The following ZNF808 variants were observed in gnomAD, a reference collection of about 807,000 sequenced individuals.
The protein encoded by ZNF808 is zinc finger protein 808.
A neutral mutation model predicts 8.7 loss-of-function variants in ZNF808; 5 were observed. That is an observed-to-expected ratio of 0.58 (90% confidence interval 0.30 to 1.21). The LOEUF is 1.21. Ranked by LOEUF, ZNF808 falls within the 50% of genes most tolerant of loss-of-function variation. The pLI, the probability that ZNF808 is intolerant of heterozygous loss-of-function variation, is 0.07. For synonymous variants in ZNF808, 380 were observed against 366.0 expected, an observed-to-expected ratio of 1.04 and a Z score of -0.44; for missense variants, 1,103 against 1,098.4, an observed-to-expected ratio of 1.00 and a Z score of -0.06.
exon 4 of ZNF808, chr19:52,564,408 T>G (rs329947): frequency 0.063 from 21,004 of 330,800 alleles, 963 homozygotes; most frequent in African/African-American, 0.14. Flanking sequence ...AATAAACATG[T>G]GAGACCTTTC....
downstream of ZNF808, among the ~76,000 whole-genome samples, chr19:52,558,793 C>T (rs951840397): frequency 6.6e-6 from 1 of 152,242 alleles, no homozygotes; most frequent in African/African-American, 2.4e-5. Context: ...AAAAATTCTT[C>T]TGCCTTGAGA....
intron 1 of ZNF808, among the ~76,000 whole-genome samples, chr19:52,530,696 C>T (rs2059554270): frequency 6.6e-6 from 1 of 150,396 alleles, no homozygotes; most frequent in South Asian, 2.1e-4. Context: ...AAGTAAGGAA[C>T]ATCAAAGTTG....
chr19:52,555,485 A>G lies in ZNF808; in HGVS notation c.2569A>G (p.Ser857Gly). The change falls in exon 5 of 5, where the codon AGT becomes GGT. Residue 857 changes from serine (S) to glycine (G), a missense_variant. Ser to Gly is a moderately conservative substitution (Grantham distance 56). Transcript: ENST00000359798. ...ATGTGAAGCATGTGACAAAGTTTTC[A>G]GTCGCAAATCACACCTTAAAAGACA... The part of the protein sequence containing the change: ...YKCEACDKVF[S>G]RKSHLKRHRI... 2 of 1,614,146 alleles carry G rather than the reference A, an allele frequency of 1.2e-6. No individual in the cohort carries two copies. Among genetic ancestry groups the G allele is most frequent in the South Asian group, 1.1e-5 (1 of 91,086 alleles).
intron 2 of ZNF808, among the ~76,000 whole-genome samples, chr19:52,542,967 G>A (rs1021962469): frequency 1.4e-5 from 2 of 144,462 alleles, no homozygotes; most frequent in African/African-American, 2.6e-5. Flanking sequence ...TTGGGGGGGG[G>A]GTGGAGGCTT....
intron 4 of ZNF808, among the ~76,000 whole-genome samples, chr19:52,548,400 G>A (rs2123161750): frequency 6.6e-6 from 1 of 152,284 alleles, no homozygotes; most frequent in South Asian, 2.1e-4. Context: ...TTAAGACACA[G>A]TGCCTTTCAA....
At chr19:52,530,242 T>C (rs974734022) in intron 1 of ZNF808, among the ~76,000 whole-genome samples, 2 of 152,094 alleles carry the variant, frequency 1.3e-5, no homozygotes, top group African/African-American at 4.8e-5. Context: ...GTGTTTTTAG[T>C]AGAGACGAGG....
chr19:52,555,369 C>T lies in ZNF808; in HGVS notation c.2453C>T (p.Pro818Leu). The T allele has an allele frequency of 1.2e-6, 2 of 1,614,138 alleles. No individual in the cohort carries two copies. The highest frequency in any genetic ancestry group is 1.7e-6 in the Non-Finnish European group (2 of 1,180,024). ...RHIRIHTAEKPYKCNECGKAF... is the reference protein window; with the variant it reads ...RHIRIHTAEKLYKCNECGKAF... ...ATTAGAATTCACACTGCAGAGAAAC[C>T]TTACAAGTGTAATGAATGTGGAAAG... Residue 818 changes from proline (P) to leucine (L), a missense_variant, in exon 5 of 5, where the codon CCT becomes CTT. Transcript: ENST00000359798.
intron 3 of ZNF808, 29 bp from the exon 4 acceptor site, chr19:52,547,483 G>T (rs373810573): frequency 2.2e-5 from 35 of 1,612,932 alleles, no homozygotes; most frequent in Non-Finnish European, 3.0e-5. Context: ...CCTCCATAAT[G>T]TTTTGTTGAA....
downstream of ZNF808, among the ~76,000 whole-genome samples, chr19:52,559,689 G>A (rs189385968): frequency 2.6e-5 from 4 of 152,244 alleles, no homozygotes; most frequent in African/African-American, 4.8e-5. Flanking sequence ...GAAGATACAC[G>A]TCAGTGGTAC....
intron 2 of ZNF808, among the ~76,000 whole-genome samples, chr19:52,535,244 T>G (rs533123005): frequency 2.5e-3 from 361 of 141,572 alleles, no homozygotes; most frequent in Non-Finnish European, 3.7e-3. Context: ...GGCAGGAGAA[T>G]TGCGTGAACC....
At chr19:52,567,724 T>C (rs894111497), downstream of ZNF808, among the ~76,000 whole-genome samples, 64 of 151,730 alleles carry the variant, frequency 4.2e-4, no homozygotes, top group Middle Eastern at 0.014. Context: ...GGGGTTTCTC[T>C]ATATTGGTCA....
In ZNF808 at chr19:52,554,560, C is replaced by T. The variant is rs755813973; in HGVS notation, c.1644C>T (p.Phe548=). ...AATGTACGGTTTGTAACAAGGTTTT[C>T]ATGCGTAATTCAGTCCTGGCTGTAC... ...SYKCTVCNKV[F]MRNSVLAVHT... The change falls in exon 5 of 5, where the codon TTC becomes TTT. Residue 548 remains phenylalanine, a synonymous_variant. Coordinates refer to ENST00000359798, the MANE Select transcript of ZNF808 (RefSeq NM_001039886.4). 6.2e-7 allele frequency: 1 copy of T among 1,613,792 alleles called. No homozygotes were observed. The highest frequency in any genetic ancestry group is 2.2e-5 in the East Asian group (1 of 44,882).
In ZNF808 at chr19:52,564,342, A is replaced by C. The variant is rs189775944; in HGVS notation, c.*1447A>C. 2.5e-5 allele frequency: 14 copies of C among 560,400 alleles called. No homozygotes were observed. The East Asian group carries it at 4.5e-4, about 18-fold the overall frequency. 34.7% of individuals were successfully genotyped at this position (560,400 alleles called of 1,614,324 possible). On this transcript the variant is annotated 3_prime_UTR_variant and NMD_transcript_variant, in exon 4 of 4. Transcript: ENST00000487863. ...GGAGACTTGGACATGTTTTATTGGG[A>C]ATATATTTTTTTCTCTCTGAATCTG...
At chr19:52,546,672 T>C (rs1288871755) in intron 3 of ZNF808, among the ~76,000 whole-genome samples, 3 of 95,878 alleles carry the variant, frequency 3.1e-5, no homozygotes, top group Non-Finnish European at 5.7e-5. Flanking sequence ...TGAGATGGAA[T>C]CTTGCTCTGT....
chr19:52,528,885 G>A (rs572554403), intron 1 of ZNF808, among the ~76,000 whole-genome samples: 10 of 152,140 alleles, frequency 6.6e-5, no homozygotes, highest in South Asian at 2.1e-4. Flanking sequence ...AGCAATAAGA[G>A]GTTAAATAAG....
At chr19:52,564,294 A>C (rs531754578) in exon 4 of ZNF808, 1 of 670,914 alleles carries the variant, frequency 1.5e-6, no homozygotes, top group African/African-American at 1.8e-5. Flanking sequence ...ACGTTACTTA[A>C]GCTGAAAATG....
chr19:52,567,752 C>T (rs951225973), downstream of ZNF808, among the ~76,000 whole-genome samples: 61 of 151,894 alleles, frequency 4.0e-4, no homozygotes, highest in African/African-American at 1.4e-3. Flanking sequence ...CTCGAACTCC[C>T]GACCTCAGGC....
chr19:52,528,697 G>T (rs970870482), intron 1 of ZNF808, among the ~76,000 whole-genome samples: 5 of 151,986 alleles, frequency 3.3e-5, no homozygotes, highest in Admixed American at 6.6e-5. Flanking sequence ...GTGTCAAGGA[G>T]AACCGAGGGA....
chr19:52,558,017 C>CTTTTTTTTTT (rs66789100), downstream of ZNF808, among the ~76,000 whole-genome samples: 91 of 46,368 alleles, frequency 2.0e-3, 6 homozygotes, highest in African/African-American at 6.0e-3. Context: ...CTAGGTGTGG[C>CTTTTTTTTTT]TTTTTTTTTT....
Sources: gnomAD v4.1 joint callset for allele counts (sites outside exome capture counted in the v4.1 genomes callset) on GRCh38, gnomAD v4.1.1 for gene constraint, MANE v1.5 for transcripts, NCBI Gene and HGNC (gene_info 2026-07-23, HGNC 2026-07-21) for gene names.